The following LGSN variants were observed in gnomAD, a reference collection of about 807,000 sequenced individuals.
The protein encoded by LGSN is lengsin, lens protein with glutamine synthetase domain, also known as lengsin.
LGSN carries 21 observed loss-of-function variants against 19.5 expected under a neutral mutation model. That is an observed-to-expected ratio of 1.07 (90% confidence interval 0.76 to 1.55). The LOEUF (loss-of-function observed/expected upper bound fraction) is 1.55, where lower values mean the gene tolerates loss of function less well. Ranked by LOEUF, LGSN falls within the 40% of genes most tolerant of loss-of-function variation. The pLI, the probability that LGSN is intolerant of heterozygous loss-of-function variation, is 0.00. For missense variants in LGSN, 673 were observed against 608.5 expected (o/e 1.11, Z -1.12); for synonymous variants, 257 against 215.6 (o/e 1.19, Z -1.68).
the LGSN span, among the ~76,000 whole-genome samples, chr6:63,459,136 T>C: frequency 6.6e-6 from 1 of 152,200 alleles, no homozygotes; most frequent in Non-Finnish European, 1.5e-5. Context: ...ATGTCAACAA[T>C]GTTTCCATTA....
intron 2 of LGSN, among the ~76,000 whole-genome samples, chr6:63,286,445 A>C (rs1767539069): frequency 6.6e-6 from 1 of 152,238 alleles, no homozygotes; most frequent in Non-Finnish European, 1.5e-5. Context: ...CTTTTAAGAT[A>C]GTTTGAAAAT....
At chr6:63,549,337 G>T in the LGSN span, 1 of 754,202 alleles carries the variant, frequency 1.3e-6, no homozygotes, top group Non-Finnish European at 2.4e-6. Flanking sequence ...ATATAGTGGG[G>T]GCCATTTCAC....
chr6:63,565,510 G>C, the LGSN span, among the ~76,000 whole-genome samples: 2 of 152,032 alleles, frequency 1.3e-5, no homozygotes, highest in Non-Finnish European at 2.9e-5. Context: ...ACCTCAAATG[G>C]TTTGATATGA....
At chr6:63,454,416 C>A in the LGSN span, among the ~76,000 whole-genome samples, 1 of 150,782 alleles carries the variant, frequency 6.6e-6, no homozygotes, top group Non-Finnish European at 1.5e-5. Flanking sequence ...GTAATTTAGT[C>A]GTTAACAGAT....
the LGSN span, among the ~76,000 whole-genome samples, chr6:63,521,076 C>A: frequency 6.6e-6 from 1 of 151,836 alleles, no homozygotes; most frequent in African/African-American, 2.4e-5. Context: ...TATACTGGGG[C>A]CTGTCACGGG....
chr6:63,427,256 C>T, the LGSN span, among the ~76,000 whole-genome samples: 149 of 152,260 alleles, frequency 9.8e-4, 3 homozygotes, highest in East Asian at 0.023. Flanking sequence ...GTTGGCCAGG[C>T]TGGTCTTGAA....
the LGSN span, among the ~76,000 whole-genome samples, chr6:63,422,779 A>ACCCC: frequency 6.6e-6 from 1 of 152,146 alleles, no homozygotes; most frequent in Non-Finnish European, 1.5e-5. Flanking sequence ...CCCCAGGAAG[A>ACCCC]CAGGGAAAAG....
At chr6:63,444,554 G>A in the LGSN span, among the ~76,000 whole-genome samples, 27 of 152,136 alleles carry the variant, frequency 1.8e-4, no homozygotes, top group Admixed American at 1.4e-3. Flanking sequence ...ACACATACAC[G>A]GAACTCAGGG....
At chr6:63,458,154 A>T in the LGSN span, among the ~76,000 whole-genome samples, 2 of 151,766 alleles carry the variant, frequency 1.3e-5, no homozygotes, top group South Asian at 2.1e-4. Flanking sequence ...TGCAGCCTCC[A>T]CCTCTGGGGT....
At chr6:63,476,900 A>T in the LGSN span, among the ~76,000 whole-genome samples, 1 of 152,218 alleles carries the variant, frequency 6.6e-6, no homozygotes, top group South Asian at 2.1e-4. Context: ...ACACTTTTTC[A>T]TCATTCTGCT....
chr6:63,509,830 G>C, the LGSN span, among the ~76,000 whole-genome samples: 1 of 152,196 alleles, frequency 6.6e-6, no homozygotes, highest in South Asian at 2.1e-4. Context: ...CCAAGGCCCC[G>C]GGTTAGTCGC....
chr6:63,335,258 A>T, the LGSN span, among the ~76,000 whole-genome samples: 7 of 152,108 alleles, frequency 4.6e-5, no homozygotes, highest in African/African-American at 1.7e-4. Context: ...CTCTCACCAC[A>T]CACAAAAATA....
chr6:63,436,966 G>A, the LGSN span, among the ~76,000 whole-genome samples: 1 of 151,676 alleles, frequency 6.6e-6, no homozygotes, highest in Non-Finnish European at 1.5e-5. Flanking sequence ...GAACCCAGGA[G>A]GTGTAGGTTG....
chr6:63,332,706 C>T, the LGSN span, among the ~76,000 whole-genome samples: 5 of 152,232 alleles, frequency 3.3e-5, no homozygotes, highest in East Asian at 7.8e-4. Flanking sequence ...AAAGACAGGA[C>T]AGAAGAGCAA....
the LGSN span, among the ~76,000 whole-genome samples, chr6:63,506,425 G>A: frequency 6.4e-4 from 98 of 152,096 alleles, no homozygotes; most frequent in Non-Finnish European, 9.1e-4. Flanking sequence ...CACCACGCCC[G>A]GCTAATTTTT....
At chr6:63,547,398 C>T in the LGSN span, among the ~76,000 whole-genome samples, 1 of 151,252 alleles carries the variant, frequency 6.6e-6, no homozygotes, top group Non-Finnish European at 1.5e-5. Context: ...CCATGTTGGC[C>T]AGGCTGGTCT....
the LGSN span, among the ~76,000 whole-genome samples, chr6:63,557,952 C>T: frequency 6.6e-6 from 1 of 151,152 alleles, no homozygotes; most frequent in Non-Finnish European, 1.5e-5. Context: ...TGCAGGGGTG[C>T]GATCTCGGCT....
the LGSN span, among the ~76,000 whole-genome samples, chr6:63,333,627 A>T: frequency 7.1e-6 from 1 of 141,434 alleles, no homozygotes; most frequent in Admixed American, 6.8e-5. Flanking sequence ...AGGGAGGCAA[A>T]AAAAAGAAAA....
the LGSN span, among the ~76,000 whole-genome samples, chr6:63,473,472 T>TAAAA: frequency 5.1e-5 from 3 of 59,372 alleles, no homozygotes; most frequent in Admixed American, 2.4e-4. Context: ...ACACTCTGTC[T>TAAAA]AAAAAAAAAA....
Sources: allele counts gnomAD v4.1 joint callset (sites outside exome capture counted in the v4.1 genomes callset), GRCh38; gene constraint gnomAD v4.1.1; transcripts MANE v1.5; gene names NCBI Gene and HGNC (gene_info 2026-07-23, HGNC 2026-07-21).